Variants in PTPRA observed in about 807,000 individuals in gnomAD.
The protein encoded by PTPRA is receptor-type tyrosine-protein phosphatase alpha.
PTPRA carries 25 observed loss-of-function variants against 104.8 expected under a neutral mutation model. That is an observed-to-expected ratio of 0.24 (90% CI 0.17 to 0.33). The LOEUF (loss-of-function observed/expected upper bound fraction) is 0.33, where lower values mean the gene tolerates loss of function less well. Among genes scored for constraint, PTPRA ranks in the 10% least tolerant of loss-of-function variants. PTPRA has a pLI of 1.00. For missense variants in PTPRA, 765 were observed against 1,015.3 expected (o/e 0.75, Z 3.35); for synonymous variants, 323 against 368.9 (o/e 0.88, Z 1.43).
At position 2,896,401 on chromosome 20, in the gene PTPRA, C is replaced by T. The variant is rs75949847; in HGVS notation, c.-129+22641C>T. Among the ~76,000 whole-genome samples the T allele has an allele frequency of 2.4e-3, 361 of 152,134 alleles. 1 individual carries two copies. The highest frequency in any genetic ancestry group is 7.5e-3 in the African/African-American group (311 of 41,510). Reference sequence around the variant, plus strand: ...CTCAAAAACAAAAACAAAAAACAAACGAAAACACACACACGCAAAGAATAC... The same window carrying T: ...CTCAAAAACAAAAACAAAAAACAAATGAAAACACACACACGCAAAGAATAC... On this transcript the variant is annotated intron_variant, in intron 1 of 23. Transcript: ENST00000399903.
In PTPRA at chr20:2,887,729, A is replaced by C. The variant is rs1335643627; in HGVS notation, c.-129+13969A>C. Among the ~76,000 whole-genome samples, 10 of 152,372 alleles carry C rather than the reference A, an allele frequency of 6.6e-5. No homozygotes were observed. In the East Asian group the frequency reaches 1.5e-3, roughly 23 times the overall value. On this transcript the variant is annotated intron_variant, in intron 1 of 23. Coordinates refer to ENST00000399903, the MANE Select transcript of PTPRA (RefSeq NM_001385305.1). ...ATATTGTAAATGCATTGATACTACC[A>C]TTAGTAAAGAGAATGTCTTCCTTTG...
intron 9 of PTPRA, among the ~76,000 whole-genome samples, chr20:2,995,385 T>C (rs2063357556): frequency 6.6e-6 from 1 of 152,170 alleles, no homozygotes; most frequent in African/African-American, 2.4e-5. Context: ...CCCAGAGTGC[T>C]GGGATTACAG....
Position 2,965,208 on chromosome 20 carries a change from A to G in PTPRA, c.415+6A>G. ...AGAAACTTTCCCTCCTTCAGGTACT[A>G]GAGATGATTCTGTTTGTTCTTTTGC... On this transcript the variant is annotated splice_donor_region_variant and intron_variant, in intron 5 of 23. Coordinates refer to ENST00000399903, the MANE Select transcript of PTPRA (RefSeq NM_001385305.1). 2 of 1,584,892 alleles carry G rather than the reference A, an allele frequency of 1.3e-6. No individual in the cohort carries two copies. Among genetic ancestry groups the G allele is most frequent in the Non-Finnish European group, 1.7e-6 (2 of 1,156,962 alleles).
chr20:2,902,571 A>G (rs1484561625), intron 1 of PTPRA, among the ~76,000 whole-genome samples: 1 of 152,216 alleles, frequency 6.6e-6, no homozygotes, highest in Non-Finnish European at 1.5e-5. Context: ...ATTGATGCCA[A>G]GTGATTCCAG....
At chr20:2,985,682 G>A (rs1224832721) in intron 6 of PTPRA, among the ~76,000 whole-genome samples, 1 of 152,212 alleles carries the variant, frequency 6.6e-6, no homozygotes, top group African/African-American at 2.4e-5. Context: ...CTGGCAAAAG[G>A]TGACTAAGGG....
chr20:3,020,319 C>T (rs529621449), intron 13 of PTPRA, among the ~76,000 whole-genome samples: 3 of 152,134 alleles, frequency 2.0e-5, no homozygotes, highest in Non-Finnish European at 2.9e-5. Flanking sequence ...AGGATGGTCT[C>T]GATCTCCTGA....
chr20:2,968,449 A>G lies in PTPRA; in HGVS notation c.415+3247A>G, dbSNP rs147317738. ...AGGCCCTTTAGAGCCTTGATCTTGC[A>G]TTTCTGAAAATTTTCTCCCATTTCT... On this transcript the variant is annotated intron_variant, in intron 5 of 23. Coordinates refer to ENST00000399903, the MANE Select transcript of PTPRA (RefSeq NM_001385305.1). Among the ~76,000 whole-genome samples, 196 of 146,880 alleles carry G rather than the reference A, an allele frequency of 1.3e-3. No individual in the cohort carries two copies. The Middle Eastern group carries it at 0.014, about 11-fold the overall frequency.
chr20:3,010,508 G>A (rs2064113950), intron 11 of PTPRA, among the ~76,000 whole-genome samples: 1 of 152,066 alleles, frequency 6.6e-6, no homozygotes, highest in African/African-American at 2.4e-5. Context: ...GGCACCTGTA[G>A]TCCCAGCTAC....
At chr20:2,999,228 T>A (rs1168455523) in intron 9 of PTPRA, among the ~76,000 whole-genome samples, 1 of 152,146 alleles carries the variant, frequency 6.6e-6, no homozygotes, top group Non-Finnish European at 1.5e-5. Flanking sequence ...CTTAAATTAG[T>A]GAAGAGATAG....
At chr20:2,869,563 T>G (rs1334595559), upstream of PTPRA, among the ~76,000 whole-genome samples, 1 of 152,222 alleles carries the variant, frequency 6.6e-6, no homozygotes, top group African/African-American at 2.4e-5. Flanking sequence ...GGGCCAAGTT[T>G]CGTCCAATGT....
At chr20:3,006,119 A>C (rs986538761) in intron 10 of PTPRA, among the ~76,000 whole-genome samples, 3 of 152,098 alleles carry the variant, frequency 2.0e-5, no homozygotes, top group African/African-American at 7.2e-5. Context: ...TTGGTCTCCC[A>C]AGTGTTGGGA....
intron 9 of PTPRA, among the ~76,000 whole-genome samples, chr20:3,000,857 A>G (rs2063594678): frequency 6.6e-6 from 1 of 152,238 alleles, no homozygotes; most frequent in African/African-American, 2.4e-5. Context: ...CAAATAAAGG[A>G]ATGTAATGAT....
At chr20:2,906,940 G>T (rs1482897058) in intron 1 of PTPRA, among the ~76,000 whole-genome samples, 2 of 152,128 alleles carry the variant, frequency 1.3e-5, no homozygotes, top group Non-Finnish European at 2.9e-5. Context: ...CTGTTAAATA[G>T]ATACTGAAAT....
chr20:2,928,168 C>G (rs1369136451), intron 2 of PTPRA, among the ~76,000 whole-genome samples: 1 of 152,056 alleles, frequency 6.6e-6, no homozygotes, highest in Non-Finnish European at 1.5e-5. Context: ...CGGAGTCTCG[C>G]TCTGTTGCCC....
intron 5 of PTPRA, among the ~76,000 whole-genome samples, chr20:2,973,931 T>C (rs1023083615): frequency 2.0e-5 from 3 of 151,636 alleles, no homozygotes; most frequent in Non-Finnish European, 4.4e-5. Flanking sequence ...ATTTTTCCAT[T>C]TTGGGTTTTT....
chr20:2,875,673 G>GT (rs1200625000), intron 1 of PTPRA, among the ~76,000 whole-genome samples: 2 of 152,142 alleles, frequency 1.3e-5, no homozygotes, highest in African/African-American at 4.8e-5. Context: ...GCTATGTAAT[G>GT]TTTTCCATGA....
chr20:3,032,587 A>AGAG (rs1568710504), intron 20 of PTPRA, among the ~76,000 whole-genome samples: 1 of 151,340 alleles, frequency 6.6e-6, no homozygotes, highest in South Asian at 2.1e-4. Context: ...CCAACATGGC[A>AGAG]AAACCCCATC....
chr20:2,910,584 TTTTTGTTTTTTTTTTG>T (rs2059674043), intron 1 of PTPRA, among the ~76,000 whole-genome samples: 1 of 98,888 alleles, frequency 1.0e-5, no homozygotes, highest in South Asian at 3.2e-4. Context: ...GCTAGTTTTT[TTTTTGTTTTTTTTTTG>T]TTTTTTTTAA....
chr20:3,027,611 C>A, intron 19 of PTPRA, 96 bp from the exon 20 acceptor site: 1 of 1,480,024 alleles, frequency 6.8e-7, no homozygotes, highest in South Asian at 1.3e-5. Context: ...GAGTTTGCCT[C>A]CGAGCAGTCC....
Sources: gnomAD v4.1 joint callset for allele counts (sites outside exome capture counted in the v4.1 genomes callset) on GRCh38, gnomAD v4.1.1 for gene constraint, MANE v1.5 for transcripts, NCBI Gene and HGNC (gene_info 2026-07-23, HGNC 2026-07-21) for gene names.